The following RPRD1B variants were observed in gnomAD, a reference collection of about 807,000 sequenced individuals.
The protein encoded by RPRD1B is regulation of nuclear pre-mRNA domain-containing protein 1B.
In RPRD1B, 11 loss-of-function variants were observed where a neutral mutation model predicts 41.5. The observed-to-expected ratio is 0.27, with a 90% CI of 0.17 to 0.44. The LOEUF (loss-of-function observed/expected upper bound fraction) is 0.44, where lower values mean the gene tolerates loss of function less well. Ranked by LOEUF, RPRD1B falls within the 20% of genes least tolerant of loss-of-function variation. The probability of loss-of-function intolerance (pLI) is 1.00; values close to 1 mark genes in which losing one functional copy is unlikely to be tolerated. For missense variants in RPRD1B, 248 were observed against 389.9 expected (o/e 0.64, Z 3.06); for synonymous variants, 158 against 155.6 (o/e 1.02, Z -0.12).
intron 2 of RPRD1B, among the ~76,000 whole-genome samples, chr20:38,044,090 GATTC>G (rs1375826331): frequency 6.6e-6 from 1 of 152,188 alleles, no homozygotes; most frequent in Non-Finnish European, 1.5e-5. Context: ...TCATGGCAGT[GATTC>G]ATTACAGCTA....
At chr20:38,070,343 A>G in intron 6 of RPRD1B, 1 of 985,542 alleles carries the variant, frequency 1.0e-6, no homozygotes, top group Non-Finnish European at 1.2e-6. Context: ...AAACCTAGAA[A>G]TGGAGAAGGC....
At chr20:38,061,368 A>G (rs2074295561) in intron 5 of RPRD1B, among the ~76,000 whole-genome samples, 1 of 152,172 alleles carries the variant, frequency 6.6e-6, no homozygotes, top group African/African-American at 2.4e-5. Flanking sequence ...GTGTAGTGGA[A>G]TGTGGCTGGG....
At position 38,092,097 on chromosome 20, in the gene RPRD1B, G is replaced by A. The variant is rs1277151532; in HGVS notation, c.*2222G>A. 1.0e-6 allele frequency: 1 copy of A among 985,580 alleles called. No homozygotes were observed. Among genetic ancestry groups the A allele is most frequent in the African/African-American group, 1.7e-5 (1 of 57,210 alleles). 61.1% of individuals were successfully genotyped at this position (985,580 alleles called of 1,614,324 possible). On this transcript the variant is annotated 3_prime_UTR_variant, in exon 7 of 7. Coordinates refer to ENST00000373433, the MANE Select transcript of RPRD1B (RefSeq NM_021215.4). ...GTATGTATGAGGTGACTTGGTGGGTGGGGTGGGTGGTTTTTGTTTTTGTGT... is the reference window on the plus strand; with the variant it reads ...GTATGTATGAGGTGACTTGGTGGGTAGGGTGGGTGGTTTTTGTTTTTGTGT...
chr20:38,038,600 C>G lies in RPRD1B; in HGVS notation c.152-1835C>G, dbSNP rs191361720. On this transcript the variant is annotated intron_variant, in intron 1 of 6. Transcript: ENST00000373433. ...CAAGCTCCGCCTCCTGGGCTCACCC[C>G]ATTGTCCTGCCTCAGCCTCCTGAGT... Among the ~76,000 whole-genome samples the G allele has an allele frequency of 3.4e-4, 52 of 150,820 alleles. No homozygotes were observed. In the East Asian group the frequency reaches 9.6e-3, roughly 28 times the overall value.
chr20:38,055,716 C>T (rs908128846), intron 3 of RPRD1B, among the ~76,000 whole-genome samples: 5 of 152,122 alleles, frequency 3.3e-5, no homozygotes, highest in African/African-American at 7.2e-5. Context: ...CTCTTCTGAT[C>T]GTTCATTTTT....
At chr20:38,034,166 C>A in intron 1 of RPRD1B, 68 bp downstream of exon 1, 1 of 1,491,426 alleles carries the variant, frequency 6.7e-7, no homozygotes. Context: ...CAACCTAGGC[C>A]CCTCTAAGCC....
At chr20:38,059,561 A>G (rs777469584) in intron 5 of RPRD1B, 41 bp downstream of exon 5, 5 of 1,604,320 alleles carry the variant, frequency 3.1e-6, no homozygotes, top group Admixed American at 1.7e-5. Context: ...GGAGAGAGGG[A>G]CATAACTGTA....
At chr20:38,040,403 T>C (rs775795986) in intron 1 of RPRD1B, 32 bp from the exon 2 acceptor site, 1 of 1,547,902 alleles carries the variant, frequency 6.5e-7, no homozygotes, top group South Asian at 1.2e-5. Flanking sequence ...TTCTTTGGTG[T>C]AAGTTAAATT....
intron 3 of RPRD1B, 43 bp from the exon 4 acceptor site, chr20:38,057,489 A>G: frequency 1.4e-6 from 2 of 1,385,188 alleles, no homozygotes; most frequent in Non-Finnish European, 2.1e-6. Context: ...ACTTATCACT[A>G]CAGGATATGT....
chr20:38,088,844 G>A lies in RPRD1B; in HGVS notation c.832-882G>A, dbSNP rs370898528. On this transcript the variant is annotated intron_variant, in intron 6 of 6. Transcript: ENST00000373433. ...GGAGATGCGGAGTCGTCTCCTGGATGCAGAGCAAGGATTTTCCTAGAGAGG... is the reference window on the plus strand; with the variant it reads ...GGAGATGCGGAGTCGTCTCCTGGATACAGAGCAAGGATTTTCCTAGAGAGG... Among the ~76,000 whole-genome samples, 69 of 152,318 alleles carry A rather than the reference G, an allele frequency of 4.5e-4. 1 individual carries two copies. In the South Asian group the frequency reaches 0.012, roughly 26 times the overall value.
At chr20:38,072,647 G>A (rs1002450862) in intron 6 of RPRD1B, among the ~76,000 whole-genome samples, 5 of 152,156 alleles carry the variant, frequency 3.3e-5, no homozygotes, top group African/African-American at 1.2e-4. Context: ...TCATGAACAG[G>A]GGATGTCTTC....
At position 38,090,569 on chromosome 20, in the gene RPRD1B, G is replaced by A. The variant is rs1355794284; in HGVS notation, c.*694G>A. On this transcript the variant is annotated 3_prime_UTR_variant, in exon 7 of 7. Transcript: ENST00000373433. Reference sequence around the variant, plus strand: ...CAGGGATCACAAGCATGAATTAAAAGGAATTTATTTGCTTCAAGTTCCTAG... The same window carrying A: ...CAGGGATCACAAGCATGAATTAAAAAGAATTTATTTGCTTCAAGTTCCTAG... 3 of 985,676 alleles carry A rather than the reference G, an allele frequency of 3.0e-6. No homozygotes were observed. In the African/African-American group the frequency reaches 5.2e-5, roughly 17 times the overall value. The allele number at this position is 985,676 out of a possible 1,614,324, so 61.1% of individuals were successfully genotyped here. A position where few individuals can be genotyped will look rare whatever the true frequency, so the allele number is the denominator to read the frequency against.
intron 6 of RPRD1B, chr20:38,070,312 G>GT: frequency 1.0e-6 from 1 of 985,412 alleles, no homozygotes; most frequent in African/African-American, 1.7e-5. Flanking sequence ...TGTGGGTAAT[G>GT]TTTTTGTCAT....
At chr20:38,062,034 G>A (rs1030744252) in intron 5 of RPRD1B, among the ~76,000 whole-genome samples, 1 of 152,208 alleles carries the variant, frequency 6.6e-6, no homozygotes, top group Admixed American at 6.5e-5. Flanking sequence ...GAAGGTGGGA[G>A]AGGGGGAATG....
intron 1 of RPRD1B, among the ~76,000 whole-genome samples, chr20:38,036,137 TAGAG>T (rs1392960521): frequency 6.6e-6 from 1 of 152,072 alleles, no homozygotes; most frequent in Non-Finnish European, 1.5e-5. Context: ...AAAAGCAAAT[TAGAG>T]AGTACATTTG....
At chr20:38,061,090 GCTTCCTTTT>G (rs1377771466) in intron 5 of RPRD1B, among the ~76,000 whole-genome samples, 9 of 152,170 alleles carry the variant, frequency 5.9e-5, no homozygotes, top group East Asian at 5.8e-4. Context: ...GTCTCATGTA[GCTTCCTTTT>G]AAAATACTTT....
intron 5 of RPRD1B, among the ~76,000 whole-genome samples, chr20:38,061,513 C>G (rs2074297317): frequency 6.6e-6 from 1 of 152,258 alleles, no homozygotes; most frequent in Non-Finnish European, 1.5e-5. Context: ...AATGCTCCCT[C>G]TTTCTCCTGC....
At chr20:38,051,346 C>T (rs567846644) in intron 3 of RPRD1B, among the ~76,000 whole-genome samples, 17 of 152,168 alleles carry the variant, frequency 1.1e-4, no homozygotes, top group Non-Finnish European at 2.2e-4. Flanking sequence ...CCACATGTGA[C>T]TCATGTAGTA....
In RPRD1B at chr20:38,069,178, G is replaced by C. The variant is rs1331768205; in HGVS notation, c.831+2922G>C. ...TTTCTCTTTCACTTGGGAATTTTAT[G>C]TCGGTGGCTCCTGCATGTCAGGATA... On this transcript the variant is annotated intron_variant, in intron 6 of 6. Transcript: ENST00000373433. 2.0e-5 allele frequency among the ~76,000 whole-genome samples: 3 copies of C among 152,118 alleles called. No individual in the cohort carries two copies. The East Asian group carries it at 5.8e-4, about 29-fold the overall frequency.
Sources: gnomAD v4.1 joint callset for allele counts (sites outside exome capture counted in the v4.1 genomes callset) on GRCh38, gnomAD v4.1.1 for gene constraint, MANE v1.5 for transcripts, NCBI Gene and HGNC (gene_info 2026-07-23, HGNC 2026-07-21) for gene names.